The following PRR5L variants were observed in gnomAD, a reference collection of about 807,000 sequenced individuals.
PRR5L encodes proline rich 5 like.
Under a neutral mutation model 36.4 loss-of-function variants are expected in PRR5L, and 21 were observed. The ratio of observed to expected loss-of-function variants is 0.58; its 90% CI spans 0.41 to 0.83. The LOEUF (loss-of-function observed/expected upper bound fraction) is 0.83, where lower values mean the gene tolerates loss of function less well. Ranked by LOEUF, PRR5L falls within the 40% of genes least tolerant of loss-of-function variation. The probability of loss-of-function intolerance (pLI) is 0.00; values close to 1 mark genes in which losing one functional copy is unlikely to be tolerated. For synonymous variants in PRR5L, 188 were observed against 197.0 expected (o/e 0.95, Z 0.38); for missense variants, 381 against 473.3 (o/e 0.80, Z 1.81).
At position 36,320,329 on chromosome 11, in the gene PRR5L, T is replaced by C. The variant is rs11033550; in HGVS notation, c.-126+23891T>C. 1.3e-4 allele frequency among the ~76,000 whole-genome samples: 19 copies of C among 149,286 alleles called. No individual in the cohort carries two copies. In the East Asian group the frequency reaches 3.9e-3, roughly 31 times the overall value. ...TGCGATCTCGGCTCAGTGCAATCTC[T>C]GCCTCCCGGGTTCAAGCGATTCTCC... On this transcript the variant is annotated intron_variant, in intron 1 of 8. Transcript: ENST00000530639.
At chr11:36,311,270 G>A (rs548451380) in intron 1 of PRR5L, among the ~76,000 whole-genome samples, 3 of 152,312 alleles carry the variant, frequency 2.0e-5, no homozygotes, top group Admixed American at 2.0e-4. Context: ...AGAGGTAGAA[G>A]AAGAAATATC....
intron 1 of PRR5L, among the ~76,000 whole-genome samples, chr11:36,381,291 T>C (rs1424993395): frequency 6.6e-6 from 1 of 152,234 alleles, no homozygotes; most frequent in African/African-American, 2.4e-5. Flanking sequence ...GATGGCATCT[T>C]TGGCAGCAGT....
At chr11:36,327,362 A>G (rs181591210) in intron 1 of PRR5L, among the ~76,000 whole-genome samples, 5 of 152,296 alleles carry the variant, frequency 3.3e-5, no homozygotes, top group Admixed American at 3.3e-4. Flanking sequence ...ATCAGCATTA[A>G]CATTCAAACA....
chr11:36,417,479 T>C (rs1858169809), intron 3 of PRR5L, among the ~76,000 whole-genome samples: 1 of 152,136 alleles, frequency 6.6e-6, no homozygotes, highest in Non-Finnish European at 1.5e-5. Flanking sequence ...GATGAAGGCT[T>C]CCCTCTCGGA....
At chr11:36,398,227 C>T (rs1034533725) in intron 1 of PRR5L, among the ~76,000 whole-genome samples, 1 of 152,362 alleles carries the variant, frequency 6.6e-6, no homozygotes, top group East Asian at 1.9e-4. Context: ...CTTCCTGCCT[C>T]GAGCACCTTG....
chr11:36,304,226 G>A (rs999152354), intron 1 of PRR5L, among the ~76,000 whole-genome samples: 1 of 152,164 alleles, frequency 6.6e-6, no homozygotes, highest in African/African-American at 2.4e-5. Context: ...AGAGGACATG[G>A]ATCTGCAGAA....
At chr11:36,448,839 G>A (rs534823936) in intron 7 of PRR5L, among the ~76,000 whole-genome samples, 114 of 152,204 alleles carry the variant, frequency 7.5e-4, no homozygotes, top group Non-Finnish European at 1.3e-3. Context: ...GAGGTTCAGA[G>A]AAGGTGGCGA....
intron 6 of PRR5L, among the ~76,000 whole-genome samples, chr11:36,439,427 A>G (rs1474726472): frequency 1.3e-5 from 2 of 152,118 alleles, no homozygotes; most frequent in Admixed American, 6.5e-5. Context: ...GGAAGATGGT[A>G]AGATCTGGCA....
At chr11:36,341,822 G>T (rs77239556) in intron 1 of PRR5L, among the ~76,000 whole-genome samples, 1 of 152,194 alleles carries the variant, frequency 6.6e-6, no homozygotes, top group African/African-American at 2.4e-5. Context: ...TGAGATGTCA[G>T]GTGGGCTTTG....
At chr11:36,311,449 C>G (rs576579507) in intron 1 of PRR5L, among the ~76,000 whole-genome samples, 7 of 152,280 alleles carry the variant, frequency 4.6e-5, no homozygotes, top group African/African-American at 1.4e-4. Context: ...GCTTGGCCCC[C>G]TCATGGGTTG....
chr11:36,397,725 G>C (rs187309076), intron 1 of PRR5L, among the ~76,000 whole-genome samples: 1 of 151,756 alleles, frequency 6.6e-6, no homozygotes, highest in Non-Finnish European at 1.5e-5. Flanking sequence ...GATTACAGAC[G>C]TGAGTGACTG....
intron 3 of PRR5L, among the ~76,000 whole-genome samples, chr11:36,410,719 A>G (rs1215987823): frequency 6.6e-6 from 1 of 152,224 alleles, no homozygotes; most frequent in Non-Finnish European, 1.5e-5. Flanking sequence ...TCCTGAGTCA[A>G]GGACACCACC....
Position 36,327,257 on chromosome 11 carries a change from G to A in PRR5L, c.-126+30819G>A, listed in dbSNP as rs369775059. On this transcript the variant is annotated intron_variant, in intron 1 of 8. Coordinates refer to ENST00000530639, the MANE Select transcript of PRR5L (RefSeq NM_001160167.2). ...TCCTCTCGGCCAAGGGGATTCCAGG[G>A]TAAACCTGAAAAACTAGTTCATGCC... 2.8e-4 allele frequency among the ~76,000 whole-genome samples: 42 copies of A among 152,272 alleles called. No homozygotes were observed. In the South Asian group the frequency reaches 7.3e-3, roughly 26 times the overall value.
chr11:36,393,664 T>C (rs376530596), intron 1 of PRR5L, among the ~76,000 whole-genome samples: 1 of 152,226 alleles, frequency 6.6e-6, no homozygotes, highest in African/African-American at 2.4e-5. Flanking sequence ...ATTCTGGGTC[T>C]TTCATGGTTT....
At chr11:36,373,864 G>T (rs1857222408) in intron 1 of PRR5L, among the ~76,000 whole-genome samples, 1 of 152,022 alleles carries the variant, frequency 6.6e-6, no homozygotes, top group Admixed American at 6.6e-5. Context: ...TACAGCATAC[G>T]CTAAATAAGT....
intron 8 of PRR5L, among the ~76,000 whole-genome samples, chr11:36,453,356 A>C (rs1299958067): frequency 6.6e-6 from 1 of 152,202 alleles, no homozygotes; most frequent in African/African-American, 2.4e-5. Context: ...AACAAGAGTC[A>C]ATTGGGAAGT....
At chr11:36,313,167 C>T (rs950137260) in intron 1 of PRR5L, among the ~76,000 whole-genome samples, 1 of 152,184 alleles carries the variant, frequency 6.6e-6, no homozygotes, top group Non-Finnish European at 1.5e-5. Context: ...ACCCCCTCAC[C>T]GCCACCTTCA....
At position 36,383,943 on chromosome 11, in the gene PRR5L, G is replaced by C. The variant is rs144603859; in HGVS notation, c.-125-17054G>C. ...ACTCCTGACCTCAGGTGATCTGCCCGCCTCGGCCTCCCCTGTCTTTTTCTT... is the reference window on the plus strand; with the variant it reads ...ACTCCTGACCTCAGGTGATCTGCCCCCCTCGGCCTCCCCTGTCTTTTTCTT... On this transcript the variant is annotated intron_variant, in intron 1 of 8. Coordinates refer to ENST00000530639, the MANE Select transcript of PRR5L (RefSeq NM_001160167.2). Among the ~76,000 whole-genome samples the C allele has an allele frequency of 1.3e-3, 197 of 152,132 alleles. 2 individuals carry two copies. In the East Asian group the frequency reaches 0.027, roughly 21 times the overall value.
chr11:36,452,353 C>T (rs1009316683), intron 8 of PRR5L, among the ~76,000 whole-genome samples: 2 of 152,196 alleles, frequency 1.3e-5, no homozygotes, highest in African/African-American at 4.8e-5. Context: ...GGAGCGTCCT[C>T]CAGTGAGGTT....
Sources: allele counts gnomAD v4.1 joint callset (sites outside exome capture counted in the v4.1 genomes callset), GRCh38; gene constraint gnomAD v4.1.1; transcripts MANE v1.5; gene names NCBI Gene and HGNC (gene_info 2026-07-23, HGNC 2026-07-21).